The following FNDC3B variants were observed in gnomAD, a reference collection of about 807,000 sequenced individuals.
FNDC3B encodes fibronectin type III domain containing 3B.
Under a neutral mutation model 151.5 loss-of-function variants are expected in FNDC3B, and 12 were observed. That is an observed-to-expected ratio of 0.08 (90% CI 0.05 to 0.13). The LOEUF is 0.13. FNDC3B is among the 10% of genes least tolerant of loss of function. FNDC3B has a pLI of 1.00. For synonymous variants in FNDC3B, 528 were observed against 549.0 expected (o/e 0.96, Z 0.54); for missense variants, 1,214 against 1,505.3 (o/e 0.81, Z 3.20).
intron 6 of FNDC3B, among the ~76,000 whole-genome samples, chr3:172,268,897 A>G (rs891146506): frequency 6.6e-6 from 1 of 152,256 alleles, no homozygotes; most frequent in African/African-American, 2.4e-5. Flanking sequence ...TTTGGAATCA[A>G]TTTAAATGAG....
At chr3:172,052,184 A>G (rs1716692999) in intron 1 of FNDC3B, among the ~76,000 whole-genome samples, 1 of 150,884 alleles carries the variant, frequency 6.6e-6, no homozygotes, top group Non-Finnish European at 1.5e-5. Flanking sequence ...TCCTGGGCTC[A>G]AGTGATCCTT....
At chr3:172,295,833 G>A (rs1730575926) in intron 8 of FNDC3B, among the ~76,000 whole-genome samples, 1 of 152,138 alleles carries the variant, frequency 6.6e-6, no homozygotes, top group Admixed American at 6.5e-5. Context: ...GCATACATTG[G>A]GCGATTATAA....
Position 172,266,092 on chromosome 3 carries a change from T to A in FNDC3B, c.790+14551T>A, listed in dbSNP as rs538884430. 9.8e-5 allele frequency among the ~76,000 whole-genome samples: 15 copies of A among 152,310 alleles called. 1 individual carries two copies. The East Asian group carries it at 2.9e-3, about 29-fold the overall frequency. On this transcript the variant is annotated intron_variant, in intron 6 of 25. Transcript: ENST00000415807. ...CTAGTCTGTCATCAGACCCTAAAAA[T>A]TCAGTAACAAGCCTCAGTTCTGTAT...
chr3:172,231,716 C>T (rs1726898900), intron 4 of FNDC3B, among the ~76,000 whole-genome samples: 3 of 152,078 alleles, frequency 2.0e-5, no homozygotes, highest in Admixed American at 2.0e-4. Flanking sequence ...ATTACACTGA[C>T]CTCTTTCCCA....
At chr3:172,173,333 A>G (rs1443804500) in intron 3 of FNDC3B, among the ~76,000 whole-genome samples, 4 of 152,250 alleles carry the variant, frequency 2.6e-5, no homozygotes, top group Admixed American at 1.3e-4. Context: ...AACCATTTAA[A>G]AATAAAAACC....
intron 7 of FNDC3B, among the ~76,000 whole-genome samples, chr3:172,290,980 G>A (rs564641752): frequency 3.7e-4 from 56 of 152,242 alleles, no homozygotes; most frequent in Admixed American, 8.5e-4. Context: ...AGCTACCAAT[G>A]TACAAGGAAA....
chr3:172,172,121 G>A (rs77194171), intron 3 of FNDC3B, among the ~76,000 whole-genome samples: 5 of 152,216 alleles, frequency 3.3e-5, no homozygotes, highest in South Asian at 2.1e-4. Context: ...CCCAAACACC[G>A]AAATCATTTA....
chr3:172,269,317 C>T (rs759668432), intron 6 of FNDC3B, among the ~76,000 whole-genome samples: 13 of 151,990 alleles, frequency 8.6e-5, no homozygotes, highest in South Asian at 2.1e-4. Context: ...GATATGCAGT[C>T]GCATGATCAT....
chr3:172,214,434 T>A lies in FNDC3B; in HGVS notation c.188-12437T>A, dbSNP rs146572708. Reference sequence around the variant, plus strand: ...AGACACTTTTGTAAAGTTAAGTTAATTTTTGGAGATTGCTGGTCCCTTCCA... The same window carrying A: ...AGACACTTTTGTAAAGTTAAGTTAAATTTTGGAGATTGCTGGTCCCTTCCA... On this transcript the variant is annotated intron_variant, in intron 3 of 25. Transcript: ENST00000415807. Among the ~76,000 whole-genome samples, 688 of 152,326 alleles carry A rather than the reference T, an allele frequency of 4.5e-3. 7 individuals carry two copies. The highest frequency in any genetic ancestry group is 3.5e-3 in the South Asian group (17 of 4,828).
chr3:172,350,500 T>C (rs1025346589), intron 21 of FNDC3B, among the ~76,000 whole-genome samples: 21 of 152,216 alleles, frequency 1.4e-4, no homozygotes, highest in Non-Finnish European at 1.0e-4. Flanking sequence ...TACATACTTA[T>C]AAAATAATTT....
At chr3:172,219,632 TC>T (rs1430045233) in intron 3 of FNDC3B, among the ~76,000 whole-genome samples, 2 of 152,222 alleles carry the variant, frequency 1.3e-5, no homozygotes, top group African/African-American at 2.4e-5. Flanking sequence ...CCACCCACCC[TC>T]CTGCCTCAGC....
At chr3:172,108,941 C>G (rs1028633222) in intron 1 of FNDC3B, among the ~76,000 whole-genome samples, 1 of 152,158 alleles carries the variant, frequency 6.6e-6, no homozygotes, top group African/African-American at 2.4e-5. Flanking sequence ...AGTAGTTGGG[C>G]AGTTCCTTGC....
intron 3 of FNDC3B, among the ~76,000 whole-genome samples, chr3:172,210,043 G>A (rs1394107810): frequency 6.6e-6 from 1 of 152,212 alleles, no homozygotes; most frequent in Admixed American, 6.5e-5. Flanking sequence ...GGGAGTGGAA[G>A]CAGGCACTTC....
At chr3:172,056,013 C>T (rs1017567848) in intron 1 of FNDC3B, among the ~76,000 whole-genome samples, 10 of 152,086 alleles carry the variant, frequency 6.6e-5, no homozygotes, top group African/African-American at 2.4e-4. Context: ...AGTCTCCTGA[C>T]CTCGTGATCC....
At chr3:172,041,866 GT>G (rs1300077976) in intron 1 of FNDC3B, among the ~76,000 whole-genome samples, 1 of 152,074 alleles carries the variant, frequency 6.6e-6, no homozygotes, top group Non-Finnish European at 1.5e-5. Flanking sequence ...GGGAGCAGCT[GT>G]TAACGAGGAT....
intron 17 of FNDC3B, 108 bp downstream of exon 17, chr3:172,341,339 A>G: frequency 1.3e-6 from 1 of 795,176 alleles, no homozygotes. Flanking sequence ...TGGTAATGCA[A>G]CCTAATAGTA....
chr3:172,074,787 G>A (rs1717932003), intron 1 of FNDC3B, among the ~76,000 whole-genome samples: 2 of 152,184 alleles, frequency 1.3e-5, no homozygotes, highest in Admixed American at 6.5e-5. Flanking sequence ...ATTGATTACC[G>A]GTTGGGGACC....
chr3:172,295,568 G>A, intron 8 of FNDC3B, 54 bp downstream of exon 8: 1 of 1,556,110 alleles, frequency 6.4e-7, no homozygotes, highest in Non-Finnish European at 8.7e-7. Context: ...AATTGGAGTT[G>A]TGAAGGAAAA....
At chr3:172,315,894 C>T (rs555716840) in intron 11 of FNDC3B, among the ~76,000 whole-genome samples, 3 of 152,144 alleles carry the variant, frequency 2.0e-5, no homozygotes, top group South Asian at 2.1e-4. Flanking sequence ...ACACTATACC[C>T]GTTGGCCGCA....
Sources: allele counts gnomAD v4.1 joint callset (sites outside exome capture counted in the v4.1 genomes callset), GRCh38; gene constraint gnomAD v4.1.1; transcripts MANE v1.5; gene names NCBI Gene and HGNC (gene_info 2026-07-23, HGNC 2026-07-21).